The following PTPRD variants were observed in gnomAD, a reference collection of about 807,000 sequenced individuals.
PTPRD encodes the protein protein tyrosine phosphatase receptor type D.
Under a neutral mutation model 214.5 loss-of-function variants are expected in PTPRD, and 34 were observed. The ratio of observed to expected loss-of-function variants is 0.16; its 90% CI spans 0.12 to 0.21. The LOEUF is 0.21. Among genes scored for constraint, PTPRD ranks in the 10% least tolerant of loss-of-function variants. The pLI is 1.00. For synonymous variants in PTPRD, 1,128 were observed against 845.7 expected, an observed-to-expected ratio of 1.33 and a Z score of -5.79; for missense variants, 2,545 against 2,398.7, an observed-to-expected ratio of 1.06 and a Z score of -1.27.
intron 10 of PTPRD, among the ~76,000 whole-genome samples, chr9:9,066,571 G>A (rs948912809): frequency 6.6e-6 from 1 of 152,074 alleles, no homozygotes; most frequent in Non-Finnish European, 1.5e-5. Context: ...AAAAAGTTTT[G>A]CAGATGTGAC....
intron 11 of PTPRD, among the ~76,000 whole-genome samples, chr9:8,740,743 A>T (rs1465263648): frequency 6.7e-6 from 1 of 149,444 alleles, no homozygotes; most frequent in Non-Finnish European, 1.5e-5. Flanking sequence ...TATGACAATC[A>T]GTTAGGAAAA....
intron 5 of PTPRD, among the ~76,000 whole-genome samples, chr9:9,823,921 A>C (rs557352690): frequency 1.3e-4 from 20 of 152,238 alleles, no homozygotes; most frequent in Non-Finnish European, 2.5e-4. Context: ...TGAATATCTC[A>C]ATTATGTTGA....
chr9:9,252,170 AT>A (rs1368690625), intron 9 of PTPRD, among the ~76,000 whole-genome samples: 4 of 152,002 alleles, frequency 2.6e-5, no homozygotes, highest in Non-Finnish European at 5.9e-5. Flanking sequence ...CATAAAGCTT[AT>A]TTTGAGCTGA....
chr9:9,787,444 T>C (rs1269007230), intron 5 of PTPRD, among the ~76,000 whole-genome samples: 1 of 147,698 alleles, frequency 6.8e-6, no homozygotes, highest in Non-Finnish European at 1.5e-5. Flanking sequence ...AAAGGCCAAA[T>C]CCTTTACAGT....
At chr9:10,381,113 A>T (rs935123615) in intron 2 of PTPRD, among the ~76,000 whole-genome samples, 1 of 151,750 alleles carries the variant, frequency 6.6e-6, no homozygotes, top group Non-Finnish European at 1.5e-5. Context: ...AAAAAAAAAG[A>T]CAAAAAGTAA....
chr9:9,146,300 T>G, intron 10 of PTPRD, among the ~76,000 whole-genome samples: 1 of 151,928 alleles, frequency 6.6e-6, no homozygotes, highest in Admixed American at 6.6e-5. Context: ...AATTACATAT[T>G]TGGTTGTAGT....
chr9:8,951,261 C>A (rs1166008368), intron 11 of PTPRD, among the ~76,000 whole-genome samples: 1 of 148,188 alleles, frequency 6.7e-6, no homozygotes, highest in East Asian at 2.0e-4. Flanking sequence ...CTACACTTCT[C>A]TATTTTTTTT....
At chr9:8,507,279 G>A (rs770174447) in intron 22 of PTPRD, 22 bp downstream of exon 22, 1 of 1,606,642 alleles carries the variant, frequency 6.2e-7, no homozygotes, top group Non-Finnish European at 8.5e-7. Context: ...AATTCCCAAG[G>A]TGAGAAGCAC....
chr9:10,360,488 CCTT>C (rs2097358680), intron 2 of PTPRD, among the ~76,000 whole-genome samples: 1 of 152,206 alleles, frequency 6.6e-6, no homozygotes, highest in Non-Finnish European at 1.5e-5. Context: ...CTATCATTCT[CCTT>C]CTCTTCCACT....
chr9:9,532,923 A>T (rs1438360074), intron 8 of PTPRD, among the ~76,000 whole-genome samples: 3 of 152,164 alleles, frequency 2.0e-5, no homozygotes, highest in African/African-American at 7.2e-5. Flanking sequence ...CTATTTAAAA[A>T]TTTTGGTTTT....
At chr9:8,970,530 A>T (rs1297017098) in intron 11 of PTPRD, among the ~76,000 whole-genome samples, 1 of 151,810 alleles carries the variant, frequency 6.6e-6, no homozygotes, top group Non-Finnish European at 1.5e-5. Context: ...CAAATACAAG[A>T]ATTCATGAAT....
intron 11 of PTPRD, among the ~76,000 whole-genome samples, chr9:8,964,901 T>TA (rs1241534882): frequency 6.6e-6 from 1 of 152,156 alleles, no homozygotes; most frequent in Non-Finnish European, 1.5e-5. Flanking sequence ...TTCACTGTTG[T>TA]CCAAGAGTAT....
chr9:10,373,983 A>C (rs1456316482), intron 2 of PTPRD, among the ~76,000 whole-genome samples: 2 of 152,086 alleles, frequency 1.3e-5, no homozygotes, highest in Non-Finnish European at 2.9e-5. Flanking sequence ...GTGTTTGGTC[A>C]GATCATCCCC....
At chr9:9,748,151 G>C (rs1596620854) in intron 6 of PTPRD, among the ~76,000 whole-genome samples, 5 of 152,204 alleles carry the variant, frequency 3.3e-5, no homozygotes, top group Admixed American at 3.3e-4. Flanking sequence ...GTAAAATAGT[G>C]GGTTGCTGTG....
chr9:8,869,894 C>A (rs1441112047), intron 11 of PTPRD, among the ~76,000 whole-genome samples: 2 of 152,102 alleles, frequency 1.3e-5, no homozygotes, highest in African/African-American at 2.4e-5. Context: ...TACCCACTAC[C>A]CTTCTGGCCA....
At chr9:8,392,649 T>C (rs779950246) in intron 36 of PTPRD, among the ~76,000 whole-genome samples, 59 of 152,184 alleles carry the variant, frequency 3.9e-4, no homozygotes, top group Non-Finnish European at 7.2e-4. Context: ...ATTCCTCTTA[T>C]AGTTTGATAC....
At chr9:8,992,577 A>G (rs1406827730) in intron 11 of PTPRD, among the ~76,000 whole-genome samples, 1 of 152,152 alleles carries the variant, frequency 6.6e-6, no homozygotes, top group Non-Finnish European at 1.5e-5. Context: ...TTAGGCATGA[A>G]TTTTTATGGT....
intron 31 of PTPRD, among the ~76,000 whole-genome samples, chr9:8,468,930 A>T (rs896126243): frequency 6.6e-6 from 1 of 151,942 alleles, no homozygotes; most frequent in Non-Finnish European, 1.5e-5. Context: ...ATTCCAGAAG[A>T]TATATCAAGG....
intron 7 of PTPRD, among the ~76,000 whole-genome samples, chr9:9,728,135 A>G (rs573213454): frequency 3.5e-4 from 53 of 152,128 alleles, no homozygotes; most frequent in Non-Finnish European, 4.6e-4. Flanking sequence ...ACCATGTAAG[A>G]TGTGCCTTTC....
Sources: gnomAD v4.1 joint callset for allele counts (sites outside exome capture counted in the v4.1 genomes callset) on GRCh38, gnomAD v4.1.1 for gene constraint, MANE v1.5 for transcripts, NCBI Gene and HGNC (gene_info 2026-07-23, HGNC 2026-07-21) for gene names.